Variants in TRIM2 observed in about 807,000 individuals in gnomAD.
TRIM2 encodes tripartite motif containing 2.
Under a neutral mutation model 75.2 loss-of-function variants are expected in TRIM2, and 20 were observed. The observed-to-expected ratio is 0.27, with a 90% CI of 0.19 to 0.39. TRIM2 has a LOEUF of 0.39. Ranked by LOEUF, TRIM2 falls within the 10% of genes least tolerant of loss-of-function variation. TRIM2 has a pLI of 1.00. For synonymous variants in TRIM2, 373 were observed against 388.3 expected (o/e 0.96, Z 0.46); for missense variants, 660 against 990.8 (o/e 0.67, Z 4.48).
upstream of TRIM2, chr4:153,152,416 A>ATATATATG (rs1553955552): frequency 6.9e-6 from 1 of 145,956 alleles, no homozygotes; most frequent in African/African-American, 2.5e-5. Context: ...GTGTATATAT[A>ATATATATG]TATATATATA....
chr4:153,314,687 C>T (rs1029309849), intron 6 of TRIM2, among the ~76,000 whole-genome samples: 3 of 151,718 alleles, frequency 2.0e-5, no homozygotes, highest in Non-Finnish European at 4.4e-5. Context: ...AAGCACCCTG[C>T]GAGAATATCT....
chr4:153,163,731 A>G (rs1305943174), intron 1 of TRIM2, among the ~76,000 whole-genome samples: 1 of 151,084 alleles, frequency 6.6e-6, no homozygotes, highest in Non-Finnish European at 1.5e-5. Context: ...CGAACTCCTG[A>G]CCTCAGGTGA....
intron 1 of TRIM2, among the ~76,000 whole-genome samples, chr4:153,262,733 G>A (rs1444347641): frequency 6.6e-6 from 1 of 152,100 alleles, no homozygotes; most frequent in Non-Finnish European, 1.5e-5. Context: ...TTTCAGGAAA[G>A]GGCTGTTATC....
intron 1 of TRIM2, among the ~76,000 whole-genome samples, chr4:153,174,229 A>C (rs1157828646): frequency 6.6e-6 from 1 of 151,502 alleles, no homozygotes; most frequent in East Asian, 2.0e-4. Context: ...AAGATGTGGC[A>C]GTGCCATTGA....
intron 7 of TRIM2, 98 bp downstream of exon 7, chr4:153,315,686 GAA>G (rs564772703): frequency 3.5e-6 from 5 of 1,440,572 alleles, no homozygotes; most frequent in Non-Finnish European, 4.8e-6. Flanking sequence ...ATGGTGTAAG[GAA>G]AAAAGCTTAT....
chr4:153,278,132 G>A (rs1479744123), intron 3 of TRIM2, among the ~76,000 whole-genome samples: 1 of 152,078 alleles, frequency 6.6e-6, no homozygotes, highest in Non-Finnish European at 1.5e-5. Flanking sequence ...CTGAGACAGA[G>A]TCTCAATCTG....
At chr4:153,272,477 A>T (rs922180720) in intron 2 of TRIM2, among the ~76,000 whole-genome samples, 1 of 140,092 alleles carries the variant, frequency 7.1e-6, no homozygotes, top group Non-Finnish European at 1.5e-5. Context: ...TTTTTATTTT[A>T]TTAATTATTT....
In TRIM2 at chr4:153,337,372, G is replaced by A. The variant is rs1772570355; in HGVS notation, c.*2406G>A. 1.0e-6 allele frequency: 1 copy of A among 985,670 alleles called. No individual in the cohort carries two copies. Among genetic ancestry groups the A allele is most frequent in the Admixed American group, 6.1e-5 (1 of 16,264 alleles). 61.1% of individuals were successfully genotyped at this position (985,670 alleles called of 1,614,324 possible). On this transcript the variant is annotated 3_prime_UTR_variant, in exon 12 of 12. Coordinates refer to ENST00000338700, the MANE Select transcript of TRIM2 (RefSeq NM_015271.5). ...TCCTATCAGGCTAGATATCTCAATA[G>A]TAGACTGAATACAAAGCTAATTTTT... is the stretch of plus-strand genomic sequence containing the variant.
At chr4:153,314,443 A>C (rs1413535553) in intron 6 of TRIM2, among the ~76,000 whole-genome samples, 1 of 138,436 alleles carries the variant, frequency 7.2e-6, no homozygotes. Context: ...AAAAAAAAAA[A>C]GAGAGTCTAG....
At chr4:153,311,700 G>C (rs1240640349) in intron 6 of TRIM2, among the ~76,000 whole-genome samples, 2 of 148,694 alleles carry the variant, frequency 1.3e-5, no homozygotes, top group Non-Finnish European at 3.0e-5. Flanking sequence ...TCCTCATCTT[G>C]TTTAATTCCA....
chr4:153,204,009 T>C (rs1255225138), upstream of TRIM2, among the ~76,000 whole-genome samples: 1 of 152,234 alleles, frequency 6.6e-6, no homozygotes, highest in Non-Finnish European at 1.5e-5. Context: ...AATAAGCATG[T>C]CATCAAACTA....
chr4:153,200,027 C>T (rs1330491792), upstream of TRIM2, among the ~76,000 whole-genome samples: 4 of 150,800 alleles, frequency 2.7e-5, no homozygotes, highest in South Asian at 4.2e-4. Context: ...CTGTAATCTC[C>T]GCCTCCTGGG....
At chr4:153,333,965 C>T (rs1245418110) in intron 11 of TRIM2, among the ~76,000 whole-genome samples, 5 of 151,846 alleles carry the variant, frequency 3.3e-5, no homozygotes, top group African/African-American at 1.2e-4. Flanking sequence ...GAACCATTGA[C>T]TTCTTACAAC....
At chr4:153,153,794 G>T (rs1728962474) in intron 1 of TRIM2, among the ~76,000 whole-genome samples, 1 of 152,204 alleles carries the variant, frequency 6.6e-6, no homozygotes. Context: ...CGGAGGGGGC[G>T]CGTCTGGGTT....
At chr4:153,200,475 A>G (rs1037124800), upstream of TRIM2, among the ~76,000 whole-genome samples, 7 of 152,080 alleles carry the variant, frequency 4.6e-5, no homozygotes, top group African/African-American at 1.4e-4. Context: ...AGCTATTGTG[A>G]ATAGTGCTGC....
chr4:153,258,689 T>C (rs1368041262), intron 1 of TRIM2, among the ~76,000 whole-genome samples: 3 of 152,248 alleles, frequency 2.0e-5, no homozygotes, highest in Non-Finnish European at 4.4e-5. Context: ...ATTGTTTCTC[T>C]GGCTTAGATC....
At chr4:153,274,163 G>A (rs1002693126) in intron 2 of TRIM2, among the ~76,000 whole-genome samples, 3 of 152,198 alleles carry the variant, frequency 2.0e-5, no homozygotes, top group African/African-American at 7.2e-5. Context: ...CAGATGGTGT[G>A]GGAGGGAGAT....
At chr4:153,152,705 G>T (rs1302650762), upstream of TRIM2, 1 of 152,046 alleles carries the variant, frequency 6.6e-6, no homozygotes, top group Non-Finnish European at 1.5e-5. Flanking sequence ...AGCTTCTTAC[G>T]CTTTGCATGG....
chr4:153,304,162 G>A (rs62323745), intron 6 of TRIM2, among the ~76,000 whole-genome samples: 35,176 of 151,866 alleles, frequency 0.23, 4,855 homozygotes, highest in South Asian at 0.37. Flanking sequence ...TGCCCAGGCC[G>A]AAGTGCAGTG....
Sources: gnomAD v4.1 joint callset for allele counts (sites outside exome capture counted in the v4.1 genomes callset) on GRCh38, gnomAD v4.1.1 for gene constraint, MANE v1.5 for transcripts, NCBI Gene and HGNC (gene_info 2026-07-23, HGNC 2026-07-21) for gene names.